RYR2: variants seen among roughly 807,000 people sequenced by gnomAD.
The protein encoded by RYR2 is ryanodine receptor 2.
In RYR2, 227 loss-of-function variants were observed where a neutral mutation model predicts 601.1. The observed-to-expected ratio is 0.38, with a 90% CI of 0.34 to 0.42. The LOEUF (loss-of-function observed/expected upper bound fraction) is 0.42, where lower values mean the gene tolerates loss of function less well. Among genes scored for constraint, RYR2 ranks in the 10% least tolerant of loss-of-function variants. The probability of loss-of-function intolerance (pLI) is 1.00; values close to 1 mark genes in which losing one functional copy is unlikely to be tolerated. For synonymous variants in RYR2, 2,223 were observed against 2,175.1 expected, an observed-to-expected ratio of 1.02 and a Z score of -0.61; for missense variants, 4,646 against 6,156.5, an observed-to-expected ratio of 0.75 and a Z score of 8.21.
chr1:237,301,697 A>G (rs139553781), intron 2 of RYR2, among the ~76,000 whole-genome samples: 2 of 152,308 alleles, frequency 1.3e-5, no homozygotes, highest in African/African-American at 4.8e-5. Context: ...AAAGCAATCT[A>G]ATAATGACTT....
At chr1:237,715,068 T>C (rs1469852107) in intron 71 of RYR2, among the ~76,000 whole-genome samples, 3 of 146,942 alleles carry the variant, frequency 2.0e-5, no homozygotes, top group African/African-American at 7.5e-5. Context: ...TTAGTCCACT[T>C]CCCTTCTTAA....
intron 1 of RYR2, among the ~76,000 whole-genome samples, chr1:237,064,246 C>G (rs1168862920): frequency 6.6e-6 from 1 of 151,990 alleles, no homozygotes; most frequent in African/African-American, 2.4e-5. Context: ...TCATAAATCT[C>G]TTTTTGCTTT....
chr1:237,635,927 C>T (rs1680828708), intron 44 of RYR2, among the ~76,000 whole-genome samples: 1 of 152,142 alleles, frequency 6.6e-6, no homozygotes, highest in African/African-American at 2.4e-5. Flanking sequence ...CCCAAGATAC[C>T]ATCGTGGCTC....
At chr1:237,734,708 A>G (rs981574137) in intron 79 of RYR2, among the ~76,000 whole-genome samples, 4 of 152,212 alleles carry the variant, frequency 2.6e-5, no homozygotes, top group African/African-American at 9.6e-5. Flanking sequence ...CTTGGGTACC[A>G]TGTACTGAGA....
At chr1:237,449,827 C>T (rs1657874741) in intron 14 of RYR2, among the ~76,000 whole-genome samples, 1 of 150,860 alleles carries the variant, frequency 6.6e-6, no homozygotes, top group Admixed American at 6.6e-5. Context: ...TCTTTATATG[C>T]CTGGTTATTT....
intron 10 of RYR2, among the ~76,000 whole-genome samples, chr1:237,405,728 T>C (rs1703796929): frequency 6.6e-6 from 1 of 152,030 alleles, no homozygotes; most frequent in Non-Finnish European, 1.5e-5. Context: ...ATTTTTTCTC[T>C]ATTAGACTTG....
At chr1:237,146,507 G>A (rs191478992) in intron 1 of RYR2, among the ~76,000 whole-genome samples, 51 of 152,318 alleles carry the variant, frequency 3.3e-4, no homozygotes, top group African/African-American at 1.0e-3. Context: ...CATGCTTGGA[G>A]TAAACAATTC....
At chr1:237,432,371 A>G (rs748441662) in intron 12 of RYR2, among the ~76,000 whole-genome samples, 42 of 152,168 alleles carry the variant, frequency 2.8e-4, no homozygotes, top group African/African-American at 8.4e-4. Flanking sequence ...TATGTTTTCA[A>G]TTGGGAACTT....
At chr1:237,372,049 A>G (rs934078286) in intron 6 of RYR2, among the ~76,000 whole-genome samples, 5 of 152,224 alleles carry the variant, frequency 3.3e-5, no homozygotes, top group Non-Finnish European at 7.3e-5. Context: ...AACTTAAAGT[A>G]TAATAAAAAA....
chr1:237,102,718 T>C (rs1463461266), intron 1 of RYR2, among the ~76,000 whole-genome samples: 1 of 152,048 alleles, frequency 6.6e-6, no homozygotes, highest in Non-Finnish European at 1.5e-5. Flanking sequence ...TAGCTGGGCA[T>C]GGTGGTGTGC....
At position 237,784,436 on chromosome 1, in the gene RYR2, A is replaced by C; in HGVS notation, c.12724A>C (p.Arg4242=). ...GGCTTTCTTCTCCATTCTGACGGTC[A>C]GGTCGGCCCTGTTTGCGCTCAGGTA... The part of the protein sequence containing the change: ...RMAFFSILTV[R]SALFALRYNI... The change falls in exon 90 of 105, where the codon AGG becomes CGG. Residue 4242 remains arginine, a synonymous_variant. Coordinates refer to ENST00000366574, the MANE Select transcript of RYR2 (RefSeq NM_001035.3). This position sits in a 1 kb window ranked among gnomAD's most constrained non-coding sequence, Gnocchi z 7.1. 1 of 1,613,858 alleles carries C rather than the reference A, an allele frequency of 6.2e-7. No homozygotes were observed.
Position 237,566,596 on chromosome 1 carries a change from G to A in RYR2, c.3244G>A (p.Gly1082Arg), listed in dbSNP as rs774797663. ...AARAEVCSGT[G>R]ERFRIFRAEK... ...CAGAGCCGAAGTGTGCAGCGGCACC[G>A]GGGAAAGGTTCCGAATCTTCCGTGC... The change falls in exon 28 of 105, where the codon GGG becomes AGG. Residue 1082 changes from glycine (G) to arginine (R), a missense_variant. This residue lies in a region of RYR2 where 1,807 missense variants were observed against 2,088.1 expected (regional missense o/e 0.87). Coordinates refer to ENST00000366574, the MANE Select transcript of RYR2 (RefSeq NM_001035.3). 7.4e-6 allele frequency: 12 copies of A among 1,613,762 alleles called. No homozygotes were observed. Among genetic ancestry groups the A allele is most frequent in the Middle Eastern group, 1.6e-4 (1 of 6,084 alleles).
At chr1:237,089,566 C>T (rs1007287443) in intron 1 of RYR2, among the ~76,000 whole-genome samples, 2 of 152,174 alleles carry the variant, frequency 1.3e-5, no homozygotes, top group Non-Finnish European at 2.9e-5. Flanking sequence ...TTATATGTGA[C>T]CTCACATTTA....
chr1:237,743,896 C>T (rs1181951241), intron 80 of RYR2, among the ~76,000 whole-genome samples: 1 of 152,206 alleles, frequency 6.6e-6, no homozygotes, highest in Non-Finnish European at 1.5e-5. Context: ...AGGAGTCCAG[C>T]CCTTTGGATG....
chr1:237,369,747 C>A, intron 6 of RYR2, 139 bp downstream of exon 6: 1 of 678,168 alleles, frequency 1.5e-6, no homozygotes, highest in Non-Finnish European at 2.5e-6. Context: ...TCTTTGTACC[C>A]TTGTTAGTTT....
At chr1:237,125,241 G>A (rs986332188) in intron 1 of RYR2, among the ~76,000 whole-genome samples, 4 of 152,132 alleles carry the variant, frequency 2.6e-5, no homozygotes, top group East Asian at 1.9e-4. Flanking sequence ...TTTTAAGGTC[G>A]CCACGCCCAG....
intron 42 of RYR2, among the ~76,000 whole-genome samples, chr1:237,631,848 T>C (rs894604278): frequency 4.6e-5 from 6 of 131,574 alleles, no homozygotes; most frequent in Non-Finnish European, 9.5e-5. Flanking sequence ...CAGGATGGTC[T>C]CGATCTCCTG....
chr1:237,384,823 GTTGA>G (rs1452872137), intron 8 of RYR2, among the ~76,000 whole-genome samples: 2 of 152,014 alleles, frequency 1.3e-5, no homozygotes, highest in African/African-American at 4.8e-5. Flanking sequence ...CCTGTAGCAC[GTTGA>G]TTATGATTTA....
chr1:237,356,559 CAGCCTTATATAATCTGA>C (rs1699314378), intron 4 of RYR2, among the ~76,000 whole-genome samples: 1 of 151,960 alleles, frequency 6.6e-6, no homozygotes, highest in East Asian at 1.9e-4. Flanking sequence ...CCACTATGCC[CAGCCTTATATAATCTGA>C]AGCAGTGAAG....
Sources: gnomAD v4.1 joint callset for allele counts (sites outside exome capture counted in the v4.1 genomes callset) on GRCh38, gnomAD v4.1.1 for gene constraint, gnomAD v4.1.1 regional missense constraint, Gnocchi (gnomAD v3.1) non-coding constraint, MANE v1.5 for transcripts, NCBI Gene and HGNC (gene_info 2026-07-23, HGNC 2026-07-21) for gene names.